SETBP1: variants seen among roughly 807,000 people sequenced by gnomAD.
SETBP1 encodes the protein SET binding protein 1.
SETBP1 carries 9 observed loss-of-function variants against 101.0 expected under a neutral mutation model. That is an observed-to-expected ratio of 0.09 (90% CI 0.05 to 0.16). SETBP1 has a LOEUF of 0.16. SETBP1 is among the 10% of genes least tolerant of loss of function. The probability of loss-of-function intolerance (pLI) is 1.00; values close to 1 mark genes in which losing one functional copy is unlikely to be tolerated. For synonymous variants in SETBP1, 818 were observed against 788.5 expected, an observed-to-expected ratio of 1.04 and a Z score of -0.63; for missense variants, 1,858 against 2,033.8, an observed-to-expected ratio of 0.91 and a Z score of 1.66.
At chr18:44,683,832 G>T (rs1429239791) in intron 1 of SETBP1, among the ~76,000 whole-genome samples, 1 of 152,214 alleles carries the variant, frequency 6.6e-6, no homozygotes, top group Non-Finnish European at 1.5e-5. Context: ...TCAGGAATGG[G>T]AAATAAATAA....
At chr18:45,058,416 T>C (rs936249237) in intron 5 of SETBP1, among the ~76,000 whole-genome samples, 2 of 152,210 alleles carry the variant, frequency 1.3e-5, no homozygotes, top group Non-Finnish European at 2.9e-5. Context: ...TAAGTAAATG[T>C]TTTAGAAAGC....
chr18:45,009,686 C>G (rs1028963474), intron 4 of SETBP1, among the ~76,000 whole-genome samples: 1 of 152,012 alleles, frequency 6.6e-6, no homozygotes, highest in Non-Finnish European at 1.5e-5. Flanking sequence ...ATTTGGGCCT[C>G]TCTATGAAAT....
chr18:44,876,954 T>C lies in SETBP1; in HGVS notation c.540+7671T>C, dbSNP rs1193197734. 6.2e-6 allele frequency: 8 copies of C among 1,289,148 alleles called. No individual in the cohort carries two copies. In the African/African-American group the frequency reaches 1.1e-4, roughly 17 times the overall value. The allele number at this position is 1,289,148 out of a possible 1,614,324, so 79.9% of individuals were successfully genotyped here. ...GCTTCACAATGCTGCCCTGAAGAGA[T>C]AATGCATTAGGCGGCCCTGATGCAG... On this transcript the variant is annotated intron_variant, in intron 3 of 5. Coordinates refer to ENST00000649279, the MANE Select transcript of SETBP1 (RefSeq NM_015559.3).
rs190132092 is a variant in SETBP1 at position 45,010,229 on chromosome 18, C to A, written c.4001-28256C>A. ...GTGAGACATCAAGGGTGGCTTAACT[C>A]CTGGACCCAAAAGCATGTTGGTTAA... On this transcript the variant is annotated intron_variant, in intron 4 of 5. Transcript: ENST00000649279. Among the ~76,000 whole-genome samples, 698 of 152,292 alleles carry A rather than the reference C, an allele frequency of 4.6e-3. 15 individuals are homozygous for A. Among genetic ancestry groups the A allele is most frequent in the Admixed American group, 0.034 (515 of 15,292 alleles).
intron 2 of SETBP1, among the ~76,000 whole-genome samples, chr18:44,789,626 C>T (rs1025389609): frequency 2.6e-5 from 4 of 152,164 alleles, no homozygotes; most frequent in Non-Finnish European, 2.9e-5. Context: ...CCTGCGCTCT[C>T]GCTCCTGTTT....
intron 2 of SETBP1, among the ~76,000 whole-genome samples, chr18:44,738,355 A>T (rs1194057709): frequency 1.3e-5 from 2 of 152,180 alleles, no homozygotes; most frequent in Non-Finnish European, 2.9e-5. Flanking sequence ...TAACAGTAAA[A>T]TTCTTCAAGA....
intron 4 of SETBP1, among the ~76,000 whole-genome samples, chr18:45,014,585 G>A (rs997065173): frequency 1.3e-5 from 2 of 152,130 alleles, no homozygotes; most frequent in Admixed American, 6.5e-5. Context: ...CACACACTCA[G>A]GAAACAAAAA....
intron 4 of SETBP1, among the ~76,000 whole-genome samples, chr18:45,006,249 G>A (rs1367048111): frequency 1.3e-5 from 2 of 152,140 alleles, no homozygotes; most frequent in African/African-American, 4.8e-5. Context: ...ACCATGCCCA[G>A]CCAAAAATCT....
intron 2 of SETBP1, among the ~76,000 whole-genome samples, chr18:44,792,831 C>T (rs1276242299): frequency 1.3e-5 from 2 of 152,052 alleles, no homozygotes; most frequent in South Asian, 2.1e-4. Context: ...CCCCTTAGGG[C>T]TCTATTCCTG....
chr18:44,808,045 G>A (rs1599155918), intron 2 of SETBP1, among the ~76,000 whole-genome samples: 1 of 152,310 alleles, frequency 6.6e-6, no homozygotes, highest in Non-Finnish European at 1.5e-5. Flanking sequence ...ATGGAAACTA[G>A]ATTGGAGGTG....
chr18:44,819,476 G>A (rs889608346), intron 2 of SETBP1, among the ~76,000 whole-genome samples: 6 of 152,158 alleles, frequency 3.9e-5, no homozygotes, highest in Non-Finnish European at 8.8e-5. Flanking sequence ...AGTAGGTGGA[G>A]GTGCACATGG....
chr18:44,745,474 G>GA (rs373468658), intron 2 of SETBP1, among the ~76,000 whole-genome samples: 2 of 152,010 alleles, frequency 1.3e-5, no homozygotes, highest in Admixed American at 6.5e-5. Context: ...TTCTTCACCA[G>GA]AAAAAAATAA....
At chr18:44,855,262 T>G (rs571310702) in intron 2 of SETBP1, among the ~76,000 whole-genome samples, 326 of 152,186 alleles carry the variant, frequency 2.1e-3, no homozygotes, top group Non-Finnish European at 3.7e-3. Context: ...GACTTTGGGT[T>G]TTTTTTTGGT....
intron 4 of SETBP1, among the ~76,000 whole-genome samples, chr18:44,954,178 A>G (rs115663163): frequency 0.013 from 2,003 of 152,130 alleles, 46 homozygotes; most frequent in African/African-American, 0.046. Context: ...CAACCACACA[A>G]AATCCTTCCC....
At chr18:44,890,324 G>C (rs1209544319) in intron 3 of SETBP1, among the ~76,000 whole-genome samples, 1 of 152,052 alleles carries the variant, frequency 6.6e-6, no homozygotes, top group African/African-American at 2.4e-5. Context: ...TATGTGAAAA[G>C]CAGGACAAGA....
intron 2 of SETBP1, among the ~76,000 whole-genome samples, chr18:44,761,353 A>G (rs1221848498): frequency 6.6e-6 from 1 of 152,226 alleles, no homozygotes; most frequent in Admixed American, 6.5e-5. Context: ...GTGTAATAGA[A>G]TACCACAACT....
At chr18:44,993,086 C>T (rs939905220) in intron 4 of SETBP1, among the ~76,000 whole-genome samples, 2 of 151,942 alleles carry the variant, frequency 1.3e-5, no homozygotes, top group Non-Finnish European at 2.9e-5. Flanking sequence ...ATGCAGAAGT[C>T]ATTCACTAAC....
chr18:44,730,732 T>TG (rs762793939), intron 2 of SETBP1, among the ~76,000 whole-genome samples: 3 of 151,998 alleles, frequency 2.0e-5, no homozygotes, highest in Admixed American at 1.3e-4. Context: ...AGAGTTACAG[T>TG]GGGGGTGGGA....
In SETBP1 at chr18:44,950,893, T is replaced by C. The variant is rs767337421; in HGVS notation, c.1553T>C (p.Leu518Pro). ...ACAGATCACTCTCCATCCAGAAAGCTGCCAGAAATCCAGCATCCAAAATTT... is the reference window on the plus strand; with the variant it reads ...ACAGATCACTCTCCATCCAGAAAGCCGCCAGAAATCCAGCATCCAAAATTT... ...TCTDHSPSRK[L>P]PEIQHPKFAA... is the part of the protein sequence containing the mutation. The change falls in exon 4 of 6, where the codon CTG (leucine) becomes CCG (proline). Residue 518 changes from leucine (L) to proline (P), a missense_variant. Physicochemically the swap from Leu to Pro is moderately conservative, Grantham distance 98. This residue lies in a region of SETBP1 where 581 missense variants were observed against 535.1 expected (regional missense o/e 1.09). Coordinates refer to ENST00000649279, the MANE Select transcript of SETBP1 (RefSeq NM_015559.3). 3.1e-6 allele frequency: 5 copies of C among 1,614,144 alleles called. No homozygotes were observed. Among genetic ancestry groups the C allele is most frequent in the Non-Finnish European group, 4.2e-6 (5 of 1,180,028 alleles).
Sources: allele counts gnomAD v4.1 joint callset (sites outside exome capture counted in the v4.1 genomes callset), GRCh38; gene constraint gnomAD v4.1.1; regional missense constraint gnomAD v4.1.1; transcripts MANE v1.5; gene names NCBI Gene and HGNC (gene_info 2026-07-23, HGNC 2026-07-21).